The following PLCH1 variants were observed in gnomAD, a reference collection of about 807,000 sequenced individuals.
The protein encoded by PLCH1 is 1-phosphatidylinositol 4,5-bisphosphate phosphodiesterase eta-1.
In PLCH1, 60 loss-of-function variants were observed where a neutral mutation model predicts 126.7. The ratio of observed to expected loss-of-function variants is 0.47; its 90% CI spans 0.38 to 0.59. The LOEUF (loss-of-function observed/expected upper bound fraction) is 0.59, where lower values mean the gene tolerates loss of function less well. Ranked by LOEUF, PLCH1 falls within the 20% of genes least tolerant of loss-of-function variation. The pLI, the probability that PLCH1 is intolerant of heterozygous loss-of-function variation, is 0.00. For missense variants in PLCH1, 1,723 were observed against 2,040.0 expected (o/e 0.84, Z 2.99); for synonymous variants, 719 against 734.9 (o/e 0.98, Z 0.35).
At chr3:155,490,947 A>G in intron 18 of PLCH1, 79 bp from the exon 19 acceptor site, 1 of 798,048 alleles carries the variant, frequency 1.3e-6, no homozygotes, top group South Asian at 1.6e-5. Flanking sequence ...TATTGGCCAA[A>G]ATGTCTACAT....
intron 6 of PLCH1, among the ~76,000 whole-genome samples, chr3:155,575,207 G>A (rs1729762000): frequency 6.6e-6 from 1 of 152,036 alleles, no homozygotes; most frequent in African/African-American, 2.4e-5. Context: ...TTTTATATGA[G>A]GAAGGTGCAA....
At chr3:155,620,657 G>T (rs1736354134) in intron 2 of PLCH1, among the ~76,000 whole-genome samples, 1 of 152,170 alleles carries the variant, frequency 6.6e-6, no homozygotes, top group Non-Finnish European at 1.5e-5. Context: ...GTATAAGAAA[G>T]ATGATGACCC....
chr3:155,576,693 A>G (rs1730006583), intron 6 of PLCH1, among the ~76,000 whole-genome samples: 1 of 152,146 alleles, frequency 6.6e-6, no homozygotes, highest in Admixed American at 6.5e-5. Flanking sequence ...ACATCATCAA[A>G]TTGCCTCAAA....
At chr3:155,524,787 T>C (rs1396997319) in intron 10 of PLCH1, among the ~76,000 whole-genome samples, 2 of 152,230 alleles carry the variant, frequency 1.3e-5, no homozygotes, top group African/African-American at 4.8e-5. Flanking sequence ...GAGGCTGAGA[T>C]GGGAAGATCA....
intron 2 of PLCH1, among the ~76,000 whole-genome samples, chr3:155,639,882 G>A (rs1352617966): frequency 7.2e-5 from 8 of 111,496 alleles, no homozygotes; most frequent in Non-Finnish European, 8.2e-5. Context: ...GAGTTCTCAC[G>A]AGATCTGGTT....
chr3:155,620,541 G>A (rs1736336694), intron 2 of PLCH1, among the ~76,000 whole-genome samples: 1 of 152,160 alleles, frequency 6.6e-6, no homozygotes, highest in African/African-American at 2.4e-5. Context: ...ATGGTGGCAG[G>A]GACATGAAGA....
chr3:155,565,164 T>C (rs760529542), intron 7 of PLCH1, 46 bp from the exon 8 acceptor site: 56 of 1,341,756 alleles, frequency 4.2e-5, no homozygotes, highest in Non-Finnish European at 5.4e-5. Flanking sequence ...AAAGCATATA[T>C]ACTTAATGGC....
At chr3:155,516,057 C>T (rs1720266637) in intron 11 of PLCH1, among the ~76,000 whole-genome samples, 1 of 152,212 alleles carries the variant, frequency 6.6e-6, no homozygotes. Context: ...GTATCACTAT[C>T]ACATGCATTA....
chr3:155,469,488 G>A (rs1282316949), intron 21 of PLCH1, among the ~76,000 whole-genome samples: 13 of 150,698 alleles, frequency 8.6e-5, no homozygotes, highest in African/African-American at 2.4e-4. Context: ...AGGCGGCAGC[G>A]AGGCTGGGGG....
In PLCH1 at chr3:155,722,912, G is replaced by A. The variant is rs569476232; in HGVS notation, c.-40-18648C>T. 1.8e-3 allele frequency among the ~76,000 whole-genome samples: 279 copies of A among 152,264 alleles called. 1 individual carries two copies. Among genetic ancestry groups the A allele is most frequent in the African/African-American group, 6.5e-3 (271 of 41,544 alleles). ...ATAGGATTGGTGCCAATTCTTCTTT[G>A]AATGTCTGATAGAATTCAGCTGTGA... On this transcript the variant is annotated intron_variant, in intron 1 of 22. Transcript: ENST00000460012.
Position 155,628,907 on chromosome 3 carries a change from A to G in PLCH1, c.80-32529T>C, listed in dbSNP as rs1311521150. Among the ~76,000 whole-genome samples, 3 of 152,206 alleles carry G rather than the reference A, an allele frequency of 2.0e-5. No homozygotes were observed. In the East Asian group the frequency reaches 5.8e-4, roughly 29 times the overall value. On this transcript the variant is annotated intron_variant, in intron 2 of 22. Coordinates refer to ENST00000460012, the MANE Select transcript of PLCH1 (RefSeq NM_014996.4). ...GATGTTATATTCACTTTAAAATTCC[A>G]TATAATTTGCAAGAGCTATCAAAAT...
chr3:155,496,440 C>G (rs1717046755), intron 15 of PLCH1, among the ~76,000 whole-genome samples: 1 of 151,826 alleles, frequency 6.6e-6, no homozygotes, highest in African/African-American at 2.4e-5. Flanking sequence ...ATAATTGTTA[C>G]CATTTGAAGA....
chr3:155,526,489 T>TAC (rs35144196), intron 10 of PLCH1, among the ~76,000 whole-genome samples: 4,495 of 126,584 alleles, frequency 0.036, 94 homozygotes, highest in South Asian at 0.068. Context: ...CTCTCTCTCA[T>TAC]ACACACACAC....
At position 155,565,057 on chromosome 3, in the gene PLCH1, C is replaced by T; in HGVS notation, c.927G>A (p.Val309=). Residue 309 remains valine, a synonymous_variant, in exon 8 of 23, where the codon GTG becomes GTA. Transcript: ENST00000460012. ...CDIFNPLHHE[V]YQDMDQPLCN... is the part of the protein sequence containing the mutation. Reference sequence around the variant, plus strand: ...AGAGGGGCTGATCCATGTCTTGGTACACTTCATGGTGCAATGGGTTAAATA... The same window carrying T: ...AGAGGGGCTGATCCATGTCTTGGTATACTTCATGGTGCAATGGGTTAAATA... 1 of 1,613,716 alleles carries T rather than the reference C, an allele frequency of 6.2e-7. No homozygotes were observed. Among genetic ancestry groups the T allele is most frequent in the South Asian group, 1.1e-5 (1 of 91,074 alleles).
chr3:155,600,711 G>A (rs761566945), intron 2 of PLCH1, among the ~76,000 whole-genome samples: 16 of 151,860 alleles, frequency 1.1e-4, no homozygotes, highest in Non-Finnish European at 2.2e-4. Context: ...CTTCACACTT[G>A]TATAAAAATG....
intron 2 of PLCH1, among the ~76,000 whole-genome samples, chr3:155,598,724 C>T (rs1039720564): frequency 1.3e-5 from 2 of 152,228 alleles, no homozygotes; most frequent in Non-Finnish European, 2.9e-5. Flanking sequence ...TAACTCATTT[C>T]CTTATCTATA....
intron 20 of PLCH1, 61 bp from the exon 21 acceptor site, chr3:155,488,168 G>A (rs369443143): frequency 1.1e-5 from 11 of 991,580 alleles, no homozygotes; most frequent in Non-Finnish European, 1.6e-5. Context: ...TTTCTCATGG[G>A]TGCAACAAAA....
intron 1 of PLCH1, among the ~76,000 whole-genome samples, chr3:155,713,591 C>T (rs903931506): frequency 1.3e-5 from 2 of 152,148 alleles, no homozygotes; most frequent in South Asian, 2.1e-4. Context: ...GTAATGCACA[C>T]GCCTGCCTCC....
At chr3:155,483,126 G>C in intron 22 of PLCH1, 75 bp from the exon 23 acceptor site, 2 of 1,301,456 alleles carry the variant, frequency 1.5e-6, no homozygotes, top group South Asian at 1.3e-5. Context: ...TGTTGTCTTC[G>C]GACAGACAAA....
Sources: gnomAD v4.1 joint callset for allele counts (sites outside exome capture counted in the v4.1 genomes callset) on GRCh38, gnomAD v4.1.1 for gene constraint, MANE v1.5 for transcripts, NCBI Gene and HGNC (gene_info 2026-07-23, HGNC 2026-07-21) for gene names.